The following ZNF385D variants were observed in gnomAD, a reference collection of about 807,000 sequenced individuals.
ZNF385D encodes zinc finger protein 385D.
ZNF385D carries 15 observed loss-of-function variants against 35.8 expected under a neutral mutation model. That is an observed-to-expected ratio of 0.42 (90% CI 0.28 to 0.64). The LOEUF is 0.64. ZNF385D is among the 30% of genes least tolerant of loss of function. The probability of loss-of-function intolerance (pLI) is 0.23; values close to 1 mark genes in which losing one functional copy is unlikely to be tolerated. For missense variants in ZNF385D, 474 were observed against 494.6 expected (o/e 0.96, Z 0.39); for synonymous variants, 212 against 186.8 (o/e 1.13, Z -1.10).
At chr3:22,207,140 A>G (rs1697209929) in intron 2 of ZNF385D, among the ~76,000 whole-genome samples, 1 of 151,998 alleles carries the variant, frequency 6.6e-6, no homozygotes, top group South Asian at 2.1e-4. Context: ...AAGCCAATGA[A>G]TTTGAAAACA....
intron 3 of ZNF385D, among the ~76,000 whole-genome samples, chr3:21,825,764 G>C (rs1694567522): frequency 6.6e-6 from 1 of 152,236 alleles, no homozygotes; most frequent in South Asian, 2.1e-4. Flanking sequence ...TCCCACAAAC[G>C]CTAGCCCAGG....
intron 3 of ZNF385D, among the ~76,000 whole-genome samples, chr3:22,016,461 C>A (rs571280672): frequency 6.6e-6 from 1 of 152,194 alleles, no homozygotes; most frequent in Admixed American, 6.5e-5. Flanking sequence ...TCTATTTATC[C>A]TTTCCTTGCT....
chr3:22,190,941 C>T (rs1233779569), intron 2 of ZNF385D, among the ~76,000 whole-genome samples: 2 of 151,870 alleles, frequency 1.3e-5, no homozygotes, highest in African/African-American at 2.4e-5. Flanking sequence ...ATGAAAAGTA[C>T]CTAAAAGTCA....
At chr3:21,943,717 G>T (rs1701645755) in intron 3 of ZNF385D, among the ~76,000 whole-genome samples, 2 of 152,174 alleles carry the variant, frequency 1.3e-5, no homozygotes, top group South Asian at 4.1e-4. Context: ...CAAAGTGAGA[G>T]ATTTTACTAA....
At chr3:22,336,353 T>G (rs1483165806) in intron 2 of ZNF385D, among the ~76,000 whole-genome samples, 1 of 152,180 alleles carries the variant, frequency 6.6e-6, no homozygotes, top group Non-Finnish European at 1.5e-5. Context: ...CTTTTTTTAT[T>G]TGTTCAAACT....
chr3:22,064,931 A>C (rs1699856932), intron 3 of ZNF385D, among the ~76,000 whole-genome samples: 1 of 152,210 alleles, frequency 6.6e-6, no homozygotes, highest in African/African-American at 2.4e-5. Flanking sequence ...TCTTAAAGCT[A>C]ATGTATCAGT....
At chr3:21,912,031 C>T (rs933569213) in intron 3 of ZNF385D, among the ~76,000 whole-genome samples, 4 of 151,736 alleles carry the variant, frequency 2.6e-5, no homozygotes, top group African/African-American at 9.7e-5. Context: ...TTGAACTAAA[C>T]AAAATTAACC....
intron 4 of ZNF385D, among the ~76,000 whole-genome samples, chr3:21,492,282 A>T (rs932149288): frequency 1.3e-5 from 2 of 152,230 alleles, no homozygotes; most frequent in Admixed American, 1.3e-4. Context: ...ATCAATAGCT[A>T]AATAACCAAT....
At chr3:21,918,800 T>C (rs962073550) in intron 3 of ZNF385D, among the ~76,000 whole-genome samples, 15 of 152,212 alleles carry the variant, frequency 9.9e-5, no homozygotes, top group Admixed American at 9.2e-4. Flanking sequence ...TTTTTAATCA[T>C]TTTAGTTAAA....
chr3:21,795,559 C>A (rs1235332319), intron 3 of ZNF385D, among the ~76,000 whole-genome samples: 1 of 152,138 alleles, frequency 6.6e-6, no homozygotes, highest in Non-Finnish European at 1.5e-5. Context: ...TTTTAAAAAT[C>A]CTTTCCCTTG....
At chr3:22,247,659 T>G (rs986023683) in intron 2 of ZNF385D, among the ~76,000 whole-genome samples, 1 of 139,460 alleles carries the variant, frequency 7.2e-6, no homozygotes, top group Non-Finnish European at 1.5e-5. Context: ...ATGGAGTCTC[T>G]CTCTCTGTCA....
At chr3:21,665,598 C>G (rs1409648368) in intron 1 of ZNF385D, among the ~76,000 whole-genome samples, 3 of 152,212 alleles carry the variant, frequency 2.0e-5, no homozygotes, top group African/African-American at 7.2e-5. Flanking sequence ...ACGACGATGT[C>G]TGAACTATTC....
chr3:22,225,216 G>A (rs1241916045), intron 2 of ZNF385D, among the ~76,000 whole-genome samples: 2 of 152,094 alleles, frequency 1.3e-5, no homozygotes, highest in Admixed American at 6.6e-5. Context: ...AAGATAACGT[G>A]TAAACTGGAA....
rs571104083 is a variant in ZNF385D at position 21,519,514 on chromosome 3, T to C, written c.277-8491A>G. On this transcript the variant is annotated intron_variant, in intron 3 of 7. Transcript: ENST00000281523. The stretch of plus-strand genomic sequence containing the variant: ...ATTATGAAAGAAACCCTTGCTTTTG[T>C]ATATATCTTGAATTCAAACAGCTAT... Among the ~76,000 whole-genome samples the C allele has an allele frequency of 9.8e-5, 15 of 152,296 alleles. 1 individual carries two copies. The South Asian group carries it at 3.1e-3, about 32-fold the overall frequency.
intron 2 of ZNF385D, among the ~76,000 whole-genome samples, chr3:22,315,288 T>C (rs752029595): frequency 1.3e-5 from 2 of 152,134 alleles, no homozygotes; most frequent in Non-Finnish European, 2.9e-5. Context: ...CAATGACTTG[T>C]TTTATAGATA....
At chr3:22,255,698 AC>A (rs1700280123) in intron 2 of ZNF385D, among the ~76,000 whole-genome samples, 1 of 151,774 alleles carries the variant, frequency 6.6e-6, no homozygotes, top group Non-Finnish European at 1.5e-5. Flanking sequence ...TTTCATATGT[AC>A]TTTTGTGAGA....
intron 1 of ZNF385D, among the ~76,000 whole-genome samples, chr3:21,681,994 T>A (rs2066926577): frequency 6.6e-6 from 1 of 152,106 alleles, no homozygotes; most frequent in Non-Finnish European, 1.5e-5. Flanking sequence ...ATGACAAATG[T>A]TTGACATCAT....
At chr3:21,525,698 A>C (rs1001422245) in intron 3 of ZNF385D, among the ~76,000 whole-genome samples, 1 of 151,820 alleles carries the variant, frequency 6.6e-6, no homozygotes, top group Non-Finnish European at 1.5e-5. Flanking sequence ...AAAAAAAAAA[A>C]AAAAAAAACT....
At chr3:21,507,684 G>A (rs2125456886) in intron 4 of ZNF385D, among the ~76,000 whole-genome samples, 1 of 152,260 alleles carries the variant, frequency 6.6e-6, no homozygotes, top group African/African-American at 2.4e-5. Flanking sequence ...AATTGTTTGT[G>A]CCTCAGCCTT....
Sources: gnomAD v4.1 joint callset for allele counts (sites outside exome capture counted in the v4.1 genomes callset) on GRCh38, gnomAD v4.1.1 for gene constraint, MANE v1.5 for transcripts, NCBI Gene and HGNC (gene_info 2026-07-23, HGNC 2026-07-21) for gene names.